FHIT: variants seen among roughly 807,000 people sequenced by gnomAD.
The protein encoded by FHIT is fragile histidine triad diadenosine triphosphatase, also known as bis(5'-adenosyl)-triphosphatase.
In FHIT, 19 loss-of-function variants were observed where a neutral mutation model predicts 17.9. The ratio of observed to expected loss-of-function variants is 1.06; its 90% CI spans 0.74 to 1.56. The LOEUF (loss-of-function observed/expected upper bound fraction) is 1.56, where lower values mean the gene tolerates loss of function less well. Ranked by LOEUF, FHIT falls within the 40% of genes most tolerant of loss-of-function variation. The probability of loss-of-function intolerance (pLI) is 0.00; values close to 1 mark genes in which losing one functional copy is unlikely to be tolerated. For missense variants in FHIT, 248 were observed against 189.2 expected (o/e 1.31, Z -1.82); for synonymous variants, 81 against 69.7 (o/e 1.16, Z -0.81).
rs576283154 is a variant in FHIT, at chr3:60,820,854, G to A, written c.-18+1065C>T. Among the ~76,000 whole-genome samples the A allele has an allele frequency of 7.2e-5, 11 of 152,194 alleles. 1 individual carries two copies. Among genetic ancestry groups the A allele is most frequent in the Non-Finnish European group, 1.6e-4 (11 of 68,012 alleles). Reference sequence around the variant, plus strand: ...GTTAAAGGAGTAAAGATGAGATGAGGTAACAGAAAAGGAGAGGAGTAAATA... The same window carrying A: ...GTTAAAGGAGTAAAGATGAGATGAGATAACAGAAAAGGAGAGGAGTAAATA... On this transcript the variant is annotated intron_variant, in intron 4 of 9. Coordinates refer to ENST00000492590, the MANE Select transcript of FHIT (RefSeq NM_002012.4).
At chr3:59,929,702 G>A (rs1266102854) in intron 7 of FHIT, among the ~76,000 whole-genome samples, 2 of 152,052 alleles carry the variant, frequency 1.3e-5, no homozygotes, top group African/African-American at 2.4e-5. Flanking sequence ...CAATAAGATT[G>A]TTTCCATTTG....
intron 4 of FHIT, among the ~76,000 whole-genome samples, chr3:60,613,126 T>G (rs1308295098): frequency 3.3e-5 from 5 of 152,194 alleles, no homozygotes; most frequent in Non-Finnish European, 5.9e-5. Flanking sequence ...TTTTCATCAC[T>G]CTAATGCTTG....
intron 5 of FHIT, among the ~76,000 whole-genome samples, chr3:60,177,307 A>C (rs1701724120): frequency 6.6e-6 from 1 of 152,106 alleles, no homozygotes; most frequent in Non-Finnish European, 1.5e-5. Context: ...CTTGACCTAG[A>C]ATTTGATAGT....
chr3:60,019,593 T>C (rs1700477010), intron 5 of FHIT, among the ~76,000 whole-genome samples: 1 of 151,972 alleles, frequency 6.6e-6, no homozygotes, highest in South Asian at 2.1e-4. Flanking sequence ...TAATTTTGTA[T>C]TTTTAGTAGA....
chr3:61,051,358 T>G (rs1449571767), intron 2 of FHIT, among the ~76,000 whole-genome samples: 2 of 152,092 alleles, frequency 1.3e-5, no homozygotes, highest in East Asian at 3.9e-4. Context: ...CAGATGATCC[T>G]TCCACCTCAG....
At chr3:60,868,867 T>A (rs1176743123) in intron 3 of FHIT, among the ~76,000 whole-genome samples, 1 of 152,120 alleles carries the variant, frequency 6.6e-6, no homozygotes, top group African/African-American at 2.4e-5. Context: ...TCAAATACCT[T>A]TGAAAATTCG....
intron 5 of FHIT, among the ~76,000 whole-genome samples, chr3:60,434,095 T>C (rs543896672): frequency 1.3e-5 from 2 of 152,236 alleles, no homozygotes; most frequent in South Asian, 2.1e-4. Flanking sequence ...TACCACAGAA[T>C]ACATTAAAAT....
chr3:60,278,062 C>G (rs1707244415), intron 5 of FHIT, among the ~76,000 whole-genome samples: 1 of 152,080 alleles, frequency 6.6e-6, no homozygotes, highest in East Asian at 1.9e-4. Flanking sequence ...AAAGCAAAAA[C>G]AGAAGGACCT....
chr3:60,183,740 CT>C (rs1702042332), intron 5 of FHIT, among the ~76,000 whole-genome samples: 4 of 152,144 alleles, frequency 2.6e-5, no homozygotes, highest in African/African-American at 4.8e-5. Context: ...TGTCCAATCT[CT>C]ATTAGGGCCA....
chr3:60,693,595 C>A (rs1411015595), intron 4 of FHIT, among the ~76,000 whole-genome samples: 1 of 152,168 alleles, frequency 6.6e-6, no homozygotes, highest in Non-Finnish European at 1.5e-5. Flanking sequence ...AAGGAGTAGA[C>A]TATACTTTTC....
chr3:60,296,921 CAA>C lies in FHIT; in HGVS notation c.103+239937_103+239938del, dbSNP rs34680230. 8.6e-3 allele frequency among the ~76,000 whole-genome samples: 993 copies of C among 115,226 alleles called. 8 individuals carry two copies. Among genetic ancestry groups the C allele is most frequent in the African/African-American group, 0.025 (852 of 33,704 alleles). 75.6% of individuals were successfully genotyped at this position (115,226 alleles called of 152,430 possible). On this transcript the variant is annotated intron_variant, in intron 5 of 9. Coordinates refer to ENST00000492590, the MANE Select transcript of FHIT (RefSeq NM_002012.4). ...TAACTGAATTGCTTTTTTATTTTTG[CAA>C]AAAAAAAAAAAAAAAGACCAGTGGG...
intron 2 of FHIT, among the ~76,000 whole-genome samples, chr3:61,055,093 TTTG>T: frequency 1.0e-5 from 1 of 98,696 alleles, no homozygotes; most frequent in South Asian, 3.2e-4. Context: ...GTATCTTTTG[TTTG>T]TTTGTTTGTT....
chr3:59,903,454 G>C (rs1316332409), intron 8 of FHIT, among the ~76,000 whole-genome samples: 2 of 152,150 alleles, frequency 1.3e-5, no homozygotes, highest in Non-Finnish European at 2.9e-5. Flanking sequence ...TCTAAATAAA[G>C]CTGTTACTAT....
intron 5 of FHIT, among the ~76,000 whole-genome samples, chr3:60,040,642 A>G (rs1368808996): frequency 6.6e-6 from 1 of 152,120 alleles, no homozygotes; most frequent in Non-Finnish European, 1.5e-5. Flanking sequence ...GAGGGCTTCA[A>G]GAGAACTGCG....
intron 3 of FHIT, among the ~76,000 whole-genome samples, chr3:61,001,683 G>A (rs2031095279): frequency 1.3e-5 from 2 of 152,174 alleles, no homozygotes; most frequent in East Asian, 1.9e-4. Flanking sequence ...ACTCTACAGG[G>A]GTAGCATGAG....
intron 5 of FHIT, among the ~76,000 whole-genome samples, chr3:60,196,722 T>C (rs1406710352): frequency 6.6e-6 from 1 of 151,926 alleles, no homozygotes; most frequent in Non-Finnish European, 1.5e-5. Flanking sequence ...GACATACATA[T>C]ATAACATATA....
chr3:60,963,451 T>C (rs1470742739), intron 3 of FHIT, among the ~76,000 whole-genome samples: 1 of 152,234 alleles, frequency 6.6e-6, no homozygotes, highest in Non-Finnish European at 1.5e-5. Context: ...CTGATCTTAG[T>C]TACTTCTTGC....
chr3:60,058,801 T>G (rs1702189424), intron 5 of FHIT, among the ~76,000 whole-genome samples: 1 of 152,134 alleles, frequency 6.6e-6, no homozygotes. Context: ...CATGATCGAT[T>G]TGTAAAAATC....
chr3:61,160,925 GCTCTT>G (rs1051325041), intron 2 of FHIT, among the ~76,000 whole-genome samples: 2 of 152,054 alleles, frequency 1.3e-5, no homozygotes, highest in African/African-American at 4.8e-5. Context: ...TCTAAAAAAG[GCTCTT>G]CTCTTTTGTT....
Sources: gnomAD v4.1 joint callset for allele counts (sites outside exome capture counted in the v4.1 genomes callset) on GRCh38, gnomAD v4.1.1 for gene constraint, MANE v1.5 for transcripts, NCBI Gene and HGNC (gene_info 2026-07-23, HGNC 2026-07-21) for gene names.